Variants in CEP83 observed in about 807,000 individuals in gnomAD.
CEP83 encodes the protein centrosomal protein of 83 kDa.
A neutral mutation model predicts 101.9 loss-of-function variants in CEP83; 70 were observed. That is an observed-to-expected ratio of 0.69 (90% confidence interval 0.57 to 0.84). The LOEUF (loss-of-function observed/expected upper bound fraction) is 0.84. Among genes scored for constraint, CEP83 ranks in the 40% least tolerant of loss-of-function variants. The pLI, the probability that CEP83 is intolerant of heterozygous loss-of-function variation, is 0.00. For missense variants in CEP83, 715 were observed against 787.2 expected (o/e 0.91, Z 1.10); for synonymous variants, 264 against 267.9 (o/e 0.99, Z 0.14).
chr12:94,274,155 T>TA, the CEP83 span, among the ~76,000 whole-genome samples: 2,078 of 45,338 alleles, frequency 0.046, 136 homozygotes, highest in South Asian at 0.083. Flanking sequence ...ACCCTGTCTC[T>TA]AAAAAAAAAA....
intron 11 of CEP83, among the ~76,000 whole-genome samples, chr12:94,360,414 C>T (rs1008273386): frequency 2.0e-5 from 3 of 151,704 alleles, no homozygotes; most frequent in African/African-American, 7.2e-5. Context: ...ACTTTTAATT[C>T]ATTAAAGTTT....
chr12:94,327,478 A>C (rs1428757098), intron 14 of CEP83, among the ~76,000 whole-genome samples: 1 of 152,152 alleles, frequency 6.6e-6, no homozygotes, highest in Non-Finnish European at 1.5e-5. Flanking sequence ...AATTTGAATT[A>C]TTCATCTCTG....
chr12:94,340,143 A>AGGCCGGGCGCGGTGGCTC (rs2059617150), intron 11 of CEP83, among the ~76,000 whole-genome samples: 1 of 152,272 alleles, frequency 6.6e-6, no homozygotes, highest in African/African-American at 2.4e-5. Flanking sequence ...AAAAAAACAG[A>AGGCCGGGCGCGGTGGCTC]AAGCCCCAAA....
intron 6 of CEP83, among the ~76,000 whole-genome samples, chr12:94,386,982 A>G (rs139295180): frequency 6.0e-4 from 91 of 152,338 alleles, no homozygotes; most frequent in African/African-American, 2.1e-3. Flanking sequence ...GATGCTCAAC[A>G]AAGTTGACAA....
chr12:94,359,769 C>T (rs945566687), intron 11 of CEP83, among the ~76,000 whole-genome samples: 2 of 152,100 alleles, frequency 1.3e-5, no homozygotes, highest in Non-Finnish European at 2.9e-5. Context: ...GAGGATTCTT[C>T]CAAACTCTAC....
chr12:94,444,182 T>A (rs1233315511), intron 1 of CEP83, among the ~76,000 whole-genome samples: 2 of 152,194 alleles, frequency 1.3e-5, no homozygotes, highest in East Asian at 3.9e-4. Flanking sequence ...GCAGATCACC[T>A]GAGGTCAGAA....
intron 6 of CEP83, among the ~76,000 whole-genome samples, chr12:94,380,124 C>T (rs1482233057): frequency 6.7e-6 from 1 of 149,112 alleles, no homozygotes; most frequent in Non-Finnish European, 1.5e-5. Flanking sequence ...TAAAGAAATG[C>T]TCCAAAACCT....
At chr12:94,278,294 CTA>C in the CEP83 span, among the ~76,000 whole-genome samples, 1 of 152,214 alleles carries the variant, frequency 6.6e-6, no homozygotes, top group East Asian at 1.9e-4. Context: ...ATCTAAACTG[CTA>C]TGTTATGCTA....
At chr12:94,400,823 A>G (rs766254913) in intron 6 of CEP83, 27 bp downstream of exon 6, 18 of 1,346,242 alleles carry the variant, frequency 1.3e-5, no homozygotes, top group Non-Finnish European at 1.7e-5. Flanking sequence ...AACAATAACA[A>G]AGAAACTCGT....
chr12:94,446,992 G>A (rs540381669), intron 1 of CEP83, among the ~76,000 whole-genome samples: 13 of 152,178 alleles, frequency 8.5e-5, no homozygotes, highest in African/African-American at 1.7e-4. Context: ...TATTATTAAC[G>A]TTGATTTCTC....
chr12:94,288,350 A>C, the CEP83 span, among the ~76,000 whole-genome samples: 1 of 151,964 alleles, frequency 6.6e-6, no homozygotes, highest in African/African-American at 2.4e-5. Context: ...CTCCAACCCA[A>C]CAGGATCACT....
At chr12:94,286,070 C>T in the CEP83 span, among the ~76,000 whole-genome samples, 1 of 152,196 alleles carries the variant, frequency 6.6e-6, no homozygotes, top group South Asian at 2.1e-4. Flanking sequence ...GATAGAACAT[C>T]AGTCTTCACT....
At chr12:94,404,165 C>T (rs1175053172) in intron 4 of CEP83, among the ~76,000 whole-genome samples, 2 of 152,078 alleles carry the variant, frequency 1.3e-5, no homozygotes, top group African/African-American at 4.8e-5. Flanking sequence ...ATAAAGATCA[C>T]AAAAACTCAC....
chr12:94,411,368 T>C (rs1301993864), intron 4 of CEP83, among the ~76,000 whole-genome samples: 1 of 152,136 alleles, frequency 6.6e-6, no homozygotes, highest in Non-Finnish European at 1.5e-5. Flanking sequence ...ATACAAATAC[T>C]AGTAACTCTT....
intron 11 of CEP83, among the ~76,000 whole-genome samples, chr12:94,365,499 T>C (rs2060975928): frequency 6.6e-6 from 1 of 152,194 alleles, no homozygotes; most frequent in African/African-American, 2.4e-5. Flanking sequence ...CCAGGTGCAG[T>C]GGCTCAACAC....
chr12:94,308,896 G>A lies in CEP83; in HGVS notation c.2023C>T (p.Leu675Phe), dbSNP rs918101763. 3 of 1,611,438 alleles carry A rather than the reference G, an allele frequency of 1.9e-6. No individual in the cohort carries two copies. Among genetic ancestry groups the A allele is most frequent in the Non-Finnish European group, 1.7e-6 (2 of 1,177,800 alleles). The part of the protein sequence containing the change: ...HMQEEQHQRE[L>F]SLLRKRLEEL... ...TCTAGTCTTTTGCGAAGTAGAGAGA[G>A]TTCCCTTTGATGTTGTTCCTCCTTA... The change falls in exon 17 of 17, where the codon CTC becomes TTC. Residue 675 changes from leucine to phenylalanine, a missense_variant. Coordinates refer to ENST00000397809, the MANE Select transcript of CEP83 (RefSeq NM_016122.3).
intron 4 of CEP83, among the ~76,000 whole-genome samples, chr12:94,407,099 A>T (rs1056685919): frequency 6.6e-6 from 1 of 152,192 alleles, no homozygotes; most frequent in South Asian, 2.1e-4. Context: ...GAGACAAAAA[A>T]TACTAAAAAT....
intron 14 of CEP83, 24 bp downstream of exon 14, chr12:94,331,676 A>G: frequency 1.2e-6 from 2 of 1,611,268 alleles, no homozygotes; most frequent in Non-Finnish European, 8.5e-7. Context: ...CTGGCCAGAG[A>G]TCACTTTAAT....
chr12:94,388,039 T>C (rs914392968), intron 6 of CEP83, among the ~76,000 whole-genome samples: 5 of 152,222 alleles, frequency 3.3e-5, no homozygotes, highest in African/African-American at 1.2e-4. Context: ...CTCAAATAAC[T>C]AAAAATAGAA....
Sources: gnomAD v4.1 joint callset for allele counts (sites outside exome capture counted in the v4.1 genomes callset) on GRCh38, gnomAD v4.1.1 for gene constraint, MANE v1.5 for transcripts, NCBI Gene and HGNC (gene_info 2026-07-23, HGNC 2026-07-21) for gene names.